Variants in STYXL2 observed in about 807,000 individuals in gnomAD.
The protein encoded by STYXL2 is serine/threonine/tyrosine-interacting-like protein 2.
STYXL2 carries 44 observed loss-of-function variants against 52.4 expected under a neutral mutation model. The observed-to-expected ratio is 0.84, with a 90% CI of 0.66 to 1.08. STYXL2 has a LOEUF of 1.08. STYXL2 is among the 50% of genes least tolerant of loss of function. The probability of loss-of-function intolerance (pLI) is 0.00; values close to 1 mark genes in which losing one functional copy is unlikely to be tolerated. For synonymous variants in STYXL2, 604 were observed against 586.9 expected, an observed-to-expected ratio of 1.03 and a Z score of -0.42; for missense variants, 1,604 against 1,471.7, an observed-to-expected ratio of 1.09 and a Z score of -1.47.
chr1:167,102,408 C>T (rs1048415476), intron 2 of STYXL2, among the ~76,000 whole-genome samples: 27 of 151,990 alleles, frequency 1.8e-4, no homozygotes, highest in African/African-American at 5.8e-4. Context: ...TGAGGTCAGA[C>T]CTGCCCTCCT....
At chr1:167,098,603 C>T (rs1667340345) in intron 2 of STYXL2, among the ~76,000 whole-genome samples, 1 of 152,174 alleles carries the variant, frequency 6.6e-6, no homozygotes, top group Non-Finnish European at 1.5e-5. Context: ...TGTTCATAAT[C>T]AGGAGCCTGG....
In STYXL2 at chr1:167,094,756, A is replaced by G. The variant is rs1464973572; in HGVS notation, c.-16-78A>G. On this transcript the variant is annotated intron_variant, in intron 1 of 5. Transcript: ENST00000361200. ...CTAGTCCTAGTTCCACTGAGGTGAC[A>G]TCACCAACACAACTTCTCCCCCAAC... The G allele has an allele frequency of 1.7e-5, 17 of 975,788 alleles. No homozygotes were observed. In the Middle Eastern group the frequency reaches 8.3e-4, roughly 48 times the overall value. 60.4% of individuals were successfully genotyped at this position (975,788 alleles called of 1,614,324 possible).
At chr1:167,106,557 T>A (rs1667510047) in intron 2 of STYXL2, among the ~76,000 whole-genome samples, 1 of 152,134 alleles carries the variant, frequency 6.6e-6, no homozygotes. Context: ...TTAATAGGAG[T>A]ATAAATAGTA....
intron 2 of STYXL2, among the ~76,000 whole-genome samples, chr1:167,106,026 T>C (rs985080731): frequency 6.6e-6 from 1 of 152,172 alleles, no homozygotes; most frequent in African/African-American, 2.4e-5. Flanking sequence ...TACCACCCAT[T>C]AGAAGGAAAG....
chr1:167,119,990 C>T (rs1285149018), intron 5 of STYXL2, among the ~76,000 whole-genome samples: 1 of 152,164 alleles, frequency 6.6e-6, no homozygotes, highest in Non-Finnish European at 1.5e-5. Context: ...GAATCAAAGG[C>T]CAGTGTCGAT....
At chr1:167,123,831 C>T (rs1220460202) in intron 5 of STYXL2, among the ~76,000 whole-genome samples, 1 of 152,188 alleles carries the variant, frequency 6.6e-6, no homozygotes, top group Non-Finnish European at 1.5e-5. Flanking sequence ...GCCATGTTGG[C>T]CAGGCTGGTC....
chr1:167,118,117 A>G (rs866921848), intron 4 of STYXL2, among the ~76,000 whole-genome samples: 10 of 152,210 alleles, frequency 6.6e-5, no homozygotes, highest in African/African-American at 2.4e-4. Context: ...GTGTTTTTAC[A>G]AGCAGTTTTT....
At chr1:167,120,951 CACAT>C (rs758684132) in intron 5 of STYXL2, among the ~76,000 whole-genome samples, 6 of 149,818 alleles carry the variant, frequency 4.0e-5, no homozygotes, top group Non-Finnish European at 8.9e-5. Context: ...CATATATACA[CACAT>C]ACACACACTC....
chr1:167,106,894 C>T (rs569601617), intron 2 of STYXL2, among the ~76,000 whole-genome samples: 14 of 152,298 alleles, frequency 9.2e-5, no homozygotes, highest in African/African-American at 3.1e-4. Context: ...TGCTTCCTAG[C>T]CCTTGGAATA....
intron 5 of STYXL2, among the ~76,000 whole-genome samples, chr1:167,123,132 T>G (rs1359675644): frequency 2.0e-5 from 3 of 152,240 alleles, no homozygotes; most frequent in Admixed American, 1.3e-4. Flanking sequence ...GATTTTGATG[T>G]GAAGAGGCCC....
chr1:167,123,697 C>T (rs1667904106), intron 5 of STYXL2, among the ~76,000 whole-genome samples: 1 of 152,220 alleles, frequency 6.6e-6, no homozygotes, highest in African/African-American at 2.4e-5. Flanking sequence ...GATCTCAGCT[C>T]ACTGTAGCCT....
At chr1:167,125,675 A>G in intron 5 of STYXL2, 112 bp from the exon 6 acceptor site, 1 of 1,405,004 alleles carries the variant, frequency 7.1e-7, no homozygotes, top group Non-Finnish European at 9.2e-7. Flanking sequence ...GGCAAAGTAA[A>G]CACCTTAAGT....
At chr1:167,113,039 T>C (rs1054950345) in intron 2 of STYXL2, among the ~76,000 whole-genome samples, 3 of 152,154 alleles carry the variant, frequency 2.0e-5, no homozygotes, top group Non-Finnish European at 4.4e-5. Flanking sequence ...TTCCTAAAGG[T>C]CTTTTTTGAC....
chr1:167,102,646 C>T (rs1486546031), intron 2 of STYXL2, among the ~76,000 whole-genome samples: 1 of 152,168 alleles, frequency 6.6e-6, no homozygotes, highest in Non-Finnish European at 1.5e-5. Context: ...GTCCCACACA[C>T]ACTGATTAAG....
intron 5 of STYXL2, among the ~76,000 whole-genome samples, chr1:167,124,148 C>T (rs1474950418): frequency 3.3e-5 from 5 of 151,788 alleles, no homozygotes; most frequent in South Asian, 4.2e-4. Context: ...TGGCCTCAAG[C>T]GATCCTCTAA....
In STYXL2 at chr1:167,128,751, T is replaced by C. The variant is rs193041214; in HGVS notation, c.*143T>C. ...GAGCCAAAATGAGAGGTACCAAGCA[T>C]AAGGGCAGCAGAGGTGGAGTAGGGA... On this transcript the variant is annotated 3_prime_UTR_variant, in exon 6 of 6. Transcript: ENST00000361200. The C allele has an allele frequency of 4.3e-5, 59 of 1,357,814 alleles. No individual in the cohort carries two copies. The highest frequency in any genetic ancestry group is 5.5e-5 in the Non-Finnish European group (57 of 1,031,960). 84.1% of individuals were successfully genotyped at this position (1,357,814 alleles called of 1,614,324 possible).
chr1:167,127,096 G>A lies in STYXL2; in HGVS notation c.1965G>A (p.Gly655=), dbSNP rs1667990798. ...AGGCGGACAGCTCCACGGCCAGCGG[G>A]AGCATTCCCCTGTCTGCGTTCTGGT... ...SWEADSSTAS[G]SIPLSAFWSA... Residue 655 remains glycine (G), a synonymous_variant, in exon 6 of 6, where the codon GGG becomes GGA. Coordinates refer to ENST00000361200, the MANE Select transcript of STYXL2 (RefSeq NM_001080426.3). The A allele has an allele frequency of 6.2e-7, 1 of 1,613,718 alleles. No homozygotes were observed. Among genetic ancestry groups the A allele is most frequent in the African/African-American group, 1.3e-5 (1 of 74,922 alleles).
intron 2 of STYXL2, among the ~76,000 whole-genome samples, chr1:167,096,166 G>A (rs1195365998): frequency 6.6e-6 from 1 of 152,106 alleles, no homozygotes; most frequent in Non-Finnish European, 1.5e-5. Flanking sequence ...GCTGAAGCAG[G>A]AGAATCACTT....
rs564406273 is a variant in STYXL2 at position 167,125,685 on chromosome 1, T to C, written c.656-102T>C. The stretch of plus-strand genomic sequence containing the variant: ...TCAGAGGCAAAGTAAACACCTTAAG[T>C]GCAGCATATTAAAACAGCACTTACC... On this transcript the variant is annotated intron_variant, in intron 5 of 5. Transcript: ENST00000361200. The C allele has an allele frequency of 4.8e-6, 7 of 1,443,594 alleles. No homozygotes were observed. In the East Asian group the frequency reaches 1.8e-4, roughly 37 times the overall value. The allele number at this position is 1,443,594 out of a possible 1,614,324, so 89.4% of individuals were successfully genotyped here. A position where few individuals can be genotyped will look rare whatever the true frequency, so the allele number is the denominator to read the frequency against.
Sources: gnomAD v4.1 joint callset for allele counts (sites outside exome capture counted in the v4.1 genomes callset) on GRCh38, gnomAD v4.1.1 for gene constraint, MANE v1.5 for transcripts, NCBI Gene and HGNC (gene_info 2026-07-23, HGNC 2026-07-21) for gene names.